Variants in AK5 observed in about 807,000 individuals in gnomAD.
The protein encoded by AK5 is adenylate kinase isoenzyme 5.
AK5 carries 27 observed loss-of-function variants against 69.5 expected under a neutral mutation model. That is an observed-to-expected ratio of 0.39 (90% CI 0.29 to 0.54). The LOEUF (loss-of-function observed/expected upper bound fraction) is 0.54, where lower values mean the gene tolerates loss of function less well. AK5 is among the 20% of genes least tolerant of loss of function. The probability of loss-of-function intolerance (pLI) is 0.71; values close to 1 mark genes in which losing one functional copy is unlikely to be tolerated. For synonymous variants in AK5, 260 were observed against 244.4 expected (o/e 1.06, Z -0.60); for missense variants, 531 against 700.4 (o/e 0.76, Z 2.73).
At chr1:77,334,725 TGA>T (rs1228988934) in intron 5 of AK5, among the ~76,000 whole-genome samples, 1 of 152,220 alleles carries the variant, frequency 6.6e-6, no homozygotes, top group Admixed American at 6.5e-5. Context: ...AATAAGAGTT[TGA>T]GAGTATCCTA....
intron 6 of AK5, among the ~76,000 whole-genome samples, chr1:77,345,079 A>G (rs1011124995): frequency 6.6e-6 from 1 of 152,028 alleles, no homozygotes; most frequent in Non-Finnish European, 1.5e-5. Context: ...TGTTCTATTC[A>G]GCCAGAAAAA....
intron 13 of AK5, among the ~76,000 whole-genome samples, chr1:77,554,399 C>T (rs1378245005): frequency 6.6e-6 from 1 of 152,158 alleles, no homozygotes; most frequent in Non-Finnish European, 1.5e-5. Flanking sequence ...TAGCATAGAA[C>T]ATCCAGGCTG....
chr1:77,478,980 G>A (rs1655105990), intron 8 of AK5, among the ~76,000 whole-genome samples: 1 of 151,690 alleles, frequency 6.6e-6, no homozygotes, highest in Admixed American at 6.6e-5. Flanking sequence ...TTGAATGTGG[G>A]TTCCTTTTGC....
chr1:77,475,416 T>C (rs1265598352), intron 8 of AK5, among the ~76,000 whole-genome samples: 1 of 3,752 alleles, frequency 2.7e-4, no homozygotes, highest in Non-Finnish European at 1.4e-3. Flanking sequence ...TGTATATATA[T>C]ACTATATATT....
chr1:77,548,066 A>G (rs1258495107), intron 13 of AK5, among the ~76,000 whole-genome samples: 1 of 152,226 alleles, frequency 6.6e-6, no homozygotes, highest in East Asian at 1.9e-4. Flanking sequence ...AAAAGATGTT[A>G]TTCAAAACTT....
chr1:77,282,844 C>A, intron 1 of AK5: 4 of 988,580 alleles, frequency 4.0e-6, no homozygotes, highest in Non-Finnish European at 4.8e-6. Context: ...GAAGGCAGCC[C>A]TTCCTGGAGA....
chr1:77,362,263 A>G (rs1341480320), intron 6 of AK5, among the ~76,000 whole-genome samples: 1 of 152,156 alleles, frequency 6.6e-6, no homozygotes, highest in Non-Finnish European at 1.5e-5. Flanking sequence ...AGTGAGCACA[A>G]TGTTTTAATT....
At chr1:77,321,603 C>G (rs1043524676) in intron 5 of AK5, among the ~76,000 whole-genome samples, 5 of 152,192 alleles carry the variant, frequency 3.3e-5, no homozygotes, top group East Asian at 1.9e-4. Context: ...GAAGGGAATT[C>G]TCCTCTAATA....
Position 77,444,254 on chromosome 1 carries a change from ATGT to A in AK5, c.1059+26540_1059+26542del, listed in dbSNP as rs1652541000. Among the ~76,000 whole-genome samples, 7 of 42,070 alleles carry A rather than the reference ATGT, an allele frequency of 1.7e-4. No homozygotes were observed. The East Asian group carries it at 3.1e-3, about 19-fold the overall frequency. 27.6% of individuals were successfully genotyped at this position (42,070 alleles called of 152,430 possible). On this transcript the variant is annotated intron_variant, in intron 8 of 13. Transcript: ENST00000354567. ...TATATAGTATATATATACACAACAT[ATGT>A]GTATATATATAGTATATATACACAA...
chr1:77,420,741 C>T (rs1650754125), intron 8 of AK5, among the ~76,000 whole-genome samples: 1 of 152,152 alleles, frequency 6.6e-6, no homozygotes. Flanking sequence ...TTAACAAGCT[C>T]ACTAGTAATC....
At chr1:77,541,450 C>T (rs1274108684) in intron 13 of AK5, among the ~76,000 whole-genome samples, 1 of 152,170 alleles carries the variant, frequency 6.6e-6, no homozygotes, top group Non-Finnish European at 1.5e-5. Flanking sequence ...ATGTAGAAAA[C>T]TAGGTAGTCC....
chr1:77,418,301 G>A (rs534293159), intron 8 of AK5, among the ~76,000 whole-genome samples: 23 of 152,228 alleles, frequency 1.5e-4, no homozygotes, highest in African/African-American at 5.5e-4. Context: ...AAAACCATCG[G>A]ATCTTGTGAG....
At chr1:77,463,665 TG>T in intron 8 of AK5, among the ~76,000 whole-genome samples, 1 of 152,174 alleles carries the variant, frequency 6.6e-6, no homozygotes, top group Non-Finnish European at 1.5e-5. Context: ...AGTGTGGAAC[TG>T]GGTGTGGAAA....
chr1:77,488,564 T>TTAAG (rs1209062971), intron 10 of AK5, among the ~76,000 whole-genome samples: 2 of 152,200 alleles, frequency 1.3e-5, no homozygotes, highest in African/African-American at 4.8e-5. Context: ...TAGGAATTTA[T>TTAAG]TAAGTATTAA....
intron 13 of AK5, among the ~76,000 whole-genome samples, chr1:77,552,926 G>A (rs943457071): frequency 3.3e-5 from 5 of 152,160 alleles, no homozygotes; most frequent in African/African-American, 1.2e-4. Context: ...TGTAGTCTCA[G>A]CTAATCAGGA....
chr1:77,350,355 G>A (rs906570421), intron 6 of AK5, among the ~76,000 whole-genome samples: 7 of 152,316 alleles, frequency 4.6e-5, no homozygotes, highest in African/African-American at 1.4e-4. Flanking sequence ...AAGCAGACAC[G>A]TGTAGAACAG....
intron 8 of AK5, among the ~76,000 whole-genome samples, chr1:77,482,116 T>C (rs1655291357): frequency 1.3e-5 from 2 of 152,248 alleles, no homozygotes; most frequent in African/African-American, 2.4e-5. Flanking sequence ...AATGCTTTTG[T>C]ATAAGAAGTG....
At chr1:77,511,690 GGGAACTCTTAGCAGCCCAGA>G (rs1657356243) in intron 10 of AK5, among the ~76,000 whole-genome samples, 1 of 152,202 alleles carries the variant, frequency 6.6e-6, no homozygotes. Context: ...ACTCTCTCAA[GGGAACTCTTAGCAGCCCAGA>G]GTAGATGCAA....
intron 13 of AK5, among the ~76,000 whole-genome samples, chr1:77,554,595 G>GAGTTTT (rs1320068165): frequency 6.6e-6 from 1 of 151,114 alleles, no homozygotes; most frequent in African/African-American, 2.5e-5. Context: ...TGTTTTATTT[G>GAGTTTT]GGTTTTGTTT....
Sources: allele counts gnomAD v4.1 joint callset (sites outside exome capture counted in the v4.1 genomes callset), GRCh38; gene constraint gnomAD v4.1.1; transcripts MANE v1.5; gene names NCBI Gene and HGNC (gene_info 2026-07-23, HGNC 2026-07-21).